The following RERE variants were observed in gnomAD, a reference collection of about 807,000 sequenced individuals.
The protein encoded by RERE is arginine-glutamic acid dipeptide repeats.
A neutral mutation model predicts 146.1 loss-of-function variants in RERE; 40 were observed. The ratio of observed to expected loss-of-function variants is 0.27; its 90% confidence interval spans 0.21 to 0.36. The LOEUF (loss-of-function observed/expected upper bound fraction) is 0.36, where lower values mean the gene tolerates loss of function less well. RERE is among the 10% of genes least tolerant of loss of function. The pLI is 1.00. For missense variants in RERE, 1,933 were observed against 2,138.7 expected (o/e 0.90, Z 1.90); for synonymous variants, 1,003 against 866.0 (o/e 1.16, Z -2.78).
intron 1 of RERE, among the ~76,000 whole-genome samples, chr1:8,701,287 T>TACACACACACACAC (rs745905637): frequency 1.4e-4 from 13 of 93,644 alleles, no homozygotes; most frequent in South Asian, 9.0e-4. Context: ...GTGAGGGGAA[T>TACACACACACACAC]ACACACACAC....
At position 8,353,857 on chromosome 1, in the gene RERE, C is replaced by T. The variant is rs1168734285; in HGVS notation, c.*1230G>A. The T allele has an allele frequency of 6.6e-6, 1 of 152,520 alleles. No individual in the cohort carries two copies. The highest frequency in any genetic ancestry group is 2.4e-5 in the African/African-American group (1 of 41,436). 9.4% of individuals were successfully genotyped at this position (152,520 alleles called of 1,614,324 possible). A position where few individuals can be genotyped will look rare whatever the true frequency, so the allele number is the denominator to read the frequency against. ...AACACCTGTCTTAACTCCAGGATCT[C>T]CCTTGCTCAAAAGTGGCCTCAATCT... On this transcript the variant is annotated 3_prime_UTR_variant, in exon 23 of 23. Transcript: ENST00000400908.
chr1:8,805,696 G>A (rs1569836905), intron 1 of RERE, among the ~76,000 whole-genome samples: 1 of 151,010 alleles, frequency 6.6e-6, no homozygotes, highest in Non-Finnish European at 1.5e-5. Flanking sequence ...GCATGGTGGT[G>A]TGTGCCTGTA....
intron 1 of RERE, among the ~76,000 whole-genome samples, chr1:8,721,032 T>G (rs554948590): frequency 6.6e-6 from 1 of 152,012 alleles, no homozygotes; most frequent in Non-Finnish European, 1.5e-5. Context: ...CCAGCCTGGG[T>G]GACAGAGCGA....
At chr1:8,426,280 C>T (rs1048919309) in intron 11 of RERE, among the ~76,000 whole-genome samples, 2 of 151,928 alleles carry the variant, frequency 1.3e-5, no homozygotes, top group African/African-American at 4.8e-5. Context: ...CAGTGAAACC[C>T]CGTCTCTACT....
intron 1 of RERE, among the ~76,000 whole-genome samples, chr1:8,705,279 T>A (rs1057135958): frequency 6.6e-6 from 1 of 152,188 alleles, no homozygotes; most frequent in Non-Finnish European, 1.5e-5. Flanking sequence ...TTTGTGCTCA[T>A]CTTGCACCTG....
chr1:8,479,058 T>C (rs1487251339), intron 10 of RERE, among the ~76,000 whole-genome samples: 2 of 152,172 alleles, frequency 1.3e-5, no homozygotes, highest in East Asian at 3.8e-4. Flanking sequence ...AATATTTTTA[T>C]ACATTCTCAA....
chr1:8,777,441 G>C (rs961818849), intron 1 of RERE, among the ~76,000 whole-genome samples: 1 of 151,228 alleles, frequency 6.6e-6, no homozygotes, highest in Non-Finnish European at 1.5e-5. Context: ...AAGAAAATAG[G>C]AAAACAGAAG....
intron 7 of RERE, among the ~76,000 whole-genome samples, chr1:8,530,760 C>T (rs964290795): frequency 3.5e-5 from 5 of 140,884 alleles, no homozygotes; most frequent in East Asian, 2.1e-4. Context: ...GGCGCAATCT[C>T]GGCTCACTGC....
At chr1:8,729,070 C>G (rs973016122) in intron 1 of RERE, among the ~76,000 whole-genome samples, 16 of 151,870 alleles carry the variant, frequency 1.1e-4, no homozygotes, top group African/African-American at 3.9e-4. Context: ...GAGGCTGAGG[C>G]AGAGAATCGT....
chr1:8,387,420 CAAAT>C (rs1346122291), intron 12 of RERE, among the ~76,000 whole-genome samples: 3 of 152,072 alleles, frequency 2.0e-5, no homozygotes, highest in African/African-American at 7.2e-5. Context: ...AGATTTCTAA[CAAAT>C]AAAAGCTCAA....
intron 12 of RERE, among the ~76,000 whole-genome samples, chr1:8,415,896 A>C (rs1048135090): frequency 6.6e-6 from 1 of 152,262 alleles, no homozygotes; most frequent in Admixed American, 6.5e-5. Flanking sequence ...TTTGGCCTCA[A>C]ATGGAAAATT....
intron 1 of RERE, among the ~76,000 whole-genome samples, chr1:8,669,412 A>C (rs900862832): frequency 1.3e-5 from 2 of 152,144 alleles, no homozygotes; most frequent in African/African-American, 4.8e-5. Flanking sequence ...TGTACACTTT[A>C]AATAGGTAAA....
At chr1:8,368,901 CA>C (rs60362841) in intron 12 of RERE, among the ~76,000 whole-genome samples, 3,469 of 136,952 alleles carry the variant, frequency 0.025, 112 homozygotes, top group African/African-American at 0.081. Context: ...TCCCCCACCT[CA>C]AAAAAAAAAA....
rs566051416 is a variant in RERE at position 8,617,120 on chromosome 1, G to A, written c.397-2434C>T. 2.4e-4 allele frequency among the ~76,000 whole-genome samples: 37 copies of A among 152,044 alleles called. No individual in the cohort carries two copies. The East Asian group carries it at 6.0e-3, about 25-fold the overall frequency. Reference sequence around the variant, plus strand: ...AACACTTTGGGAGGCCGAGGCGGGCGGATCACAAGGTCAGGAGTTCAAGAC... The same window carrying A: ...AACACTTTGGGAGGCCGAGGCGGGCAGATCACAAGGTCAGGAGTTCAAGAC... On this transcript the variant is annotated intron_variant, in intron 3 of 22. Transcript: ENST00000400908.
intron 1 of RERE, among the ~76,000 whole-genome samples, chr1:8,698,152 T>C (rs965542512): frequency 6.6e-6 from 1 of 152,220 alleles, no homozygotes; most frequent in Non-Finnish European, 1.5e-5. Flanking sequence ...CTTTGAGTGA[T>C]ACAGATCGGC....
At chr1:8,596,264 A>G (rs1417699446) in intron 4 of RERE, among the ~76,000 whole-genome samples, 1 of 152,222 alleles carries the variant, frequency 6.6e-6, no homozygotes, top group Non-Finnish European at 1.5e-5. Flanking sequence ...AAAAAACAGG[A>G]TAGCTCTCCT....
At chr1:8,793,664 T>G (rs900246257) in intron 1 of RERE, among the ~76,000 whole-genome samples, 1 of 152,202 alleles carries the variant, frequency 6.6e-6, no homozygotes, top group Non-Finnish European at 1.5e-5. Context: ...ACCAGATAAC[T>G]CTGAGTCAGG....
In RERE at chr1:8,364,166, G is replaced by A. The variant is rs2124375272; in HGVS notation, c.1630C>T (p.Pro544Ser). ...GGCGGGTCCACGGGCTTCTCAATGG[G>A]CGGGAGCTCACCGTATTTCTTGAAG... ...IHFKKYGELP[P>S]IEKPVDPPPF... The change falls in exon 15 of 23, where the codon CCC (proline) becomes TCC (serine). Residue 544 changes from proline to serine, a missense_variant. By Grantham distance (74) the Pro-to-Ser change is moderately conservative (BLOSUM62 -1). Coordinates refer to ENST00000400908, the MANE Select transcript of RERE (RefSeq NM_001042681.2). This position sits in a 1 kb window ranked among gnomAD's most constrained non-coding sequence, Gnocchi z 5.1. 1.2e-6 allele frequency: 2 copies of A among 1,614,164 alleles called. No individual in the cohort carries two copies. Among genetic ancestry groups the A allele is most frequent in the East Asian group, 2.2e-5 (1 of 44,876 alleles).
chr1:8,389,769 A>G (rs1044398171), intron 12 of RERE, among the ~76,000 whole-genome samples: 1 of 152,244 alleles, frequency 6.6e-6, no homozygotes, highest in Admixed American at 6.5e-5. Flanking sequence ...TGCGAATAAA[A>G]CAATCCGTCA....
Sources: gnomAD v4.1 joint callset for allele counts (sites outside exome capture counted in the v4.1 genomes callset) on GRCh38, gnomAD v4.1.1 for gene constraint, Gnocchi (gnomAD v3.1) non-coding constraint, MANE v1.5 for transcripts, NCBI Gene and HGNC (gene_info 2026-07-23, HGNC 2026-07-21) for gene names.